Variants in MPRIP observed in about 807,000 individuals in gnomAD.
MPRIP encodes the protein myosin phosphatase Rho-interacting protein.
In MPRIP, 59 loss-of-function variants were observed where a neutral mutation model predicts 234.9. The observed-to-expected ratio is 0.25, with a 90% CI of 0.20 to 0.31. The LOEUF (loss-of-function observed/expected upper bound fraction) is 0.31. Ranked by LOEUF, MPRIP falls within the 10% of genes least tolerant of loss-of-function variation. The probability of loss-of-function intolerance (pLI) is 1.00; values close to 1 mark genes in which losing one functional copy is unlikely to be tolerated. For synonymous variants in MPRIP, 1,144 were observed against 1,263.9 expected, an observed-to-expected ratio of 0.91 and a Z score of 2.01; for missense variants, 2,436 against 3,071.0, an observed-to-expected ratio of 0.79 and a Z score of 4.89.
At chr17:17,119,199 T>C (rs2090341821) in intron 3 of MPRIP, among the ~76,000 whole-genome samples, 1 of 152,162 alleles carries the variant, frequency 6.6e-6, no homozygotes, top group Non-Finnish European at 1.5e-5. Context: ...GACCTCTCCT[T>C]AGACCTGGCT....
Position 17,165,850 on chromosome 17 carries a change from A to G in MPRIP, c.4259A>G (p.His1420Arg), listed in dbSNP as rs573574291. 7 of 1,304,140 alleles carry G rather than the reference A, an allele frequency of 5.4e-6. No homozygotes were observed. In the African/African-American group the frequency reaches 9.1e-5, roughly 17 times the overall value. The allele number at this position is 1,304,140 out of a possible 1,614,324, so 80.8% of individuals were successfully genotyped here. A position where few individuals can be genotyped will look rare whatever the true frequency, so the allele number is the denominator to read the frequency against. The change falls in exon 16 of 24, where the codon CAC becomes CGC. Residue 1420 changes from histidine to arginine, a missense_variant. By Grantham distance (29) the His-to-Arg change is conservative. This residue lies in a region of MPRIP where 1,998 missense variants were observed against 2,520.3 expected (regional missense o/e 0.79). Coordinates refer to ENST00000651222, the MANE Select transcript of MPRIP (RefSeq NM_001364716.4). ...CGTGAGGCACTGCTCGCACTGCACCACCAGTGGGCGGGCACCGAGGCCCAG... is the reference window on the plus strand; with the variant it reads ...CGTGAGGCACTGCTCGCACTGCACCGCCAGTGGGCGGGCACCGAGGCCCAG... The part of the protein sequence containing the change: ...QSREALLALH[H>R]QWAGTEAQLR...
Position 17,164,254 on chromosome 17 carries a change from C to T in MPRIP, c.2663C>T (p.Ala888Val). 7.7e-7 allele frequency: 1 copy of T among 1,304,268 alleles called. No homozygotes were observed. Among genetic ancestry groups the T allele is most frequent in the Non-Finnish European group, 1.0e-6 (1 of 988,982 alleles). The allele number at this position is 1,304,268 out of a possible 1,614,324, so 80.8% of individuals were successfully genotyped here. A position where few individuals can be genotyped will look rare whatever the true frequency, so the allele number is the denominator to read the frequency against. Residue 888 changes from alanine (A) to valine (V), a missense_variant, in exon 16 of 24, where the codon GCC (alanine) becomes GTC (valine). Physicochemically the swap from Ala to Val is moderately conservative, Grantham distance 64. Coordinates refer to ENST00000651222, the MANE Select transcript of MPRIP (RefSeq NM_001364716.4). ...ACCCTGAAGCGTAGCTATGGGGAGGCCAAGGACACGATCCGGCACCACGAG... is the reference window on the plus strand; with the variant it reads ...ACCCTGAAGCGTAGCTATGGGGAGGTCAAGGACACGATCCGGCACCACGAG... ...IQTLKRSYGEAKDTIRHHEAE... is the reference protein window; with the variant it reads ...IQTLKRSYGEVKDTIRHHEAE...
intron 3 of MPRIP, among the ~76,000 whole-genome samples, chr17:17,086,492 G>A (rs866618358): frequency 2.4e-4 from 36 of 152,238 alleles, no homozygotes; most frequent in African/African-American, 8.0e-4. Context: ...GAGTCTGTGC[G>A]ATGCTCTTTT....
chr17:17,105,600 G>GTCAGGCCACTGA (rs2090048028), intron 3 of MPRIP, among the ~76,000 whole-genome samples: 2 of 152,226 alleles, frequency 1.3e-5, no homozygotes, highest in South Asian at 4.1e-4. Context: ...AGGCCACTGA[G>GTCAGGCCACTGA]GCAGAGGAGG....
intron 1 of MPRIP, among the ~76,000 whole-genome samples, chr17:17,067,418 G>A (rs1383898005): frequency 2.6e-5 from 4 of 152,192 alleles, no homozygotes; most frequent in Non-Finnish European, 5.9e-5. Context: ...TGACTAAGGG[G>A]CAGGTAGAGT....
chr17:17,143,231 G>C lies in MPRIP; in HGVS notation c.1390-325G>C, dbSNP rs113390622. Among the ~76,000 whole-genome samples the C allele has an allele frequency of 5.4e-3, 816 of 152,296 alleles. 7 individuals are homozygous for C. Among genetic ancestry groups the C allele is most frequent in the African/African-American group, 0.018 (745 of 41,562 alleles). On this transcript the variant is annotated intron_variant, in intron 8 of 23. Coordinates refer to ENST00000651222, the MANE Select transcript of MPRIP (RefSeq NM_001364716.4). ...GTTCACAAGGTGCCTAGTGCCTACT[G>C]TCTGGCCCACAGCTTGCCACCTGCC...
At chr17:17,162,403 A>G (rs1319452877) in intron 15 of MPRIP, among the ~76,000 whole-genome samples, 1 of 152,122 alleles carries the variant, frequency 6.6e-6, no homozygotes, top group Non-Finnish European at 1.5e-5. Context: ...GAACAGGGGC[A>G]CTCAGCTGGC....
chr17:17,112,087 A>C (rs1005491446), intron 3 of MPRIP, among the ~76,000 whole-genome samples: 1 of 152,138 alleles, frequency 6.6e-6, no homozygotes, highest in African/African-American at 2.4e-5. Flanking sequence ...CACCTTGGGC[A>C]TGCTGCTGCG....
intron 5 of MPRIP, among the ~76,000 whole-genome samples, chr17:17,132,908 G>A (rs752441817): frequency 6.6e-6 from 1 of 152,224 alleles, no homozygotes; most frequent in Non-Finnish European, 1.5e-5. Context: ...TTCCCAGTTG[G>A]AGAGAAACAA....
Position 17,165,735 on chromosome 17 carries a change from A to T in MPRIP, c.4144A>T (p.Ile1382Phe). 7.7e-7 allele frequency: 1 copy of T among 1,304,912 alleles called. No homozygotes were observed. The highest frequency in any genetic ancestry group is 1.0e-6 in the Non-Finnish European group (1 of 988,978). The allele number at this position is 1,304,912 out of a possible 1,614,324, so 80.8% of individuals were successfully genotyped here. A position where few individuals can be genotyped will look rare whatever the true frequency, so the allele number is the denominator to read the frequency against. ...ATGDSDTYLS[I>F]IHSLETKLYV... ...TGGCGACTCTGACACGTACCTCTCC[A>T]TCATCCACTCCCTGGAGACCAAGCT... Residue 1382 changes from isoleucine (I) to phenylalanine (F), a missense_variant, in exon 16 of 24, where the codon ATC becomes TTC. Coordinates refer to ENST00000651222, the MANE Select transcript of MPRIP (RefSeq NM_001364716.4).
At chr17:17,053,200 G>C (rs975507935) in intron 1 of MPRIP, among the ~76,000 whole-genome samples, 1 of 152,036 alleles carries the variant, frequency 6.6e-6, no homozygotes, top group Admixed American at 6.5e-5. Context: ...ATTTCAGTGC[G>C]CCCAGGCAAG....
Position 17,184,431 on chromosome 17 carries a change from A to G in MPRIP, c.7207-392A>G, listed in dbSNP as rs568477952. Among the ~76,000 whole-genome samples, 4 of 152,302 alleles carry G rather than the reference A, an allele frequency of 2.6e-5. 1 individual carries two copies. The highest frequency in any genetic ancestry group is 2.6e-4 in the Admixed American group (4 of 15,304). ...CTCAGCTGAGGCTGTCAGGTGAAGA[A>G]TCTCTGGAGCTGGATGTGGACAAAT... On this transcript the variant is annotated intron_variant, in intron 23 of 23. Coordinates refer to ENST00000651222, the MANE Select transcript of MPRIP (RefSeq NM_001364716.4).
chr17:17,132,437 T>A lies in MPRIP; in HGVS notation c.504+736T>A, dbSNP rs533600712. Among the ~76,000 whole-genome samples the A allele has an allele frequency of 3.9e-5, 6 of 152,282 alleles. No individual in the cohort carries two copies. The South Asian group carries it at 1.2e-3, about 32-fold the overall frequency. On this transcript the variant is annotated intron_variant, in intron 5 of 23. Transcript: ENST00000651222. ...GGACCTATTATAGGTTCTCAGTAAA[T>A]GTAATTCCTTTCCCTCTGTACCATA...
intron 3 of MPRIP, among the ~76,000 whole-genome samples, chr17:17,083,129 G>A (rs2089504678): frequency 6.6e-6 from 1 of 152,250 alleles, no homozygotes; most frequent in African/African-American, 2.4e-5. Context: ...AGAGATGAGA[G>A]CTGCCTGACT....
chr17:17,111,785 C>G (rs1275675049), intron 3 of MPRIP, among the ~76,000 whole-genome samples: 1 of 152,142 alleles, frequency 6.6e-6, no homozygotes, highest in Non-Finnish European at 1.5e-5. Flanking sequence ...TCTGGTCAGA[C>G]CTGTGCCCAG....
At position 17,042,823 on chromosome 17, in the gene MPRIP, C is replaced by CCGCCGCCGT. The variant is rs1190574837; in HGVS notation, c.-17_-9dup. ...GCCGGCCAGGCCTGCGCCGCCGCCG[C>CCGCCGCCGT]CGCCGCCGTCGCCGCCGCGCCGACC... On this transcript the variant is annotated 5_prime_UTR_variant, in exon 1 of 24. Coordinates refer to ENST00000651222, the MANE Select transcript of MPRIP (RefSeq NM_001364716.4). The CCGCCGCCGT allele has an allele frequency of 1.7e-5, 24 of 1,417,332 alleles. No homozygotes were observed. In the East Asian group the frequency reaches 4.7e-4, roughly 28 times the overall value. The allele number at this position is 1,417,332 out of a possible 1,614,324, so 87.8% of individuals were successfully genotyped here. A position where few individuals can be genotyped will look rare whatever the true frequency, so the allele number is the denominator to read the frequency against.
intron 3 of MPRIP, among the ~76,000 whole-genome samples, chr17:17,085,876 G>A (rs956590614): frequency 6.6e-6 from 1 of 152,172 alleles, no homozygotes; most frequent in African/African-American, 2.4e-5. Context: ...TCACGCCACT[G>A]CACTCCAGCC....
chr17:17,090,462 T>A (rs1418876848), intron 3 of MPRIP, among the ~76,000 whole-genome samples: 3 of 152,088 alleles, frequency 2.0e-5, no homozygotes, highest in African/African-American at 4.8e-5. Flanking sequence ...CCCACCAGGG[T>A]TGCACCTGGT....
intron 1 of MPRIP, among the ~76,000 whole-genome samples, chr17:17,053,551 T>A (rs1356845429): frequency 6.6e-6 from 1 of 152,218 alleles, no homozygotes. Context: ...TCACTTAGCA[T>A]GCTGGCCCAT....
Sources: gnomAD v4.1 joint callset for allele counts (sites outside exome capture counted in the v4.1 genomes callset) on GRCh38, gnomAD v4.1.1 for gene constraint, gnomAD v4.1.1 regional missense constraint, MANE v1.5 for transcripts, NCBI Gene and HGNC (gene_info 2026-07-23, HGNC 2026-07-21) for gene names.